Variants in MAP2 observed in about 807,000 individuals in gnomAD.
MAP2 encodes microtubule-associated protein 2.
Under a neutral mutation model 137.6 loss-of-function variants are expected in MAP2, and 14 were observed. That is an observed-to-expected ratio of 0.10 (90% confidence interval 0.07 to 0.16). MAP2 has a LOEUF of 0.16. Among genes scored for constraint, MAP2 ranks in the 10% least tolerant of loss-of-function variants. The pLI is 1.00. For synonymous variants in MAP2, 786 were observed against 782.3 expected (o/e 1.00, Z -0.08); for missense variants, 2,088 against 2,191.5 (o/e 0.95, Z 0.94).
intron 2 of MAP2, among the ~76,000 whole-genome samples, chr2:209,544,481 T>C (rs2067653985): frequency 6.6e-6 from 1 of 152,254 alleles, no homozygotes; most frequent in Admixed American, 6.5e-5. Flanking sequence ...TGTTATTATT[T>C]TATGTATGAT....
rs141994507 is a variant in MAP2 at position 209,527,770 on chromosome 2, A to G, written c.-172+20129A>G. On this transcript the variant is annotated intron_variant, in intron 2 of 15. Coordinates refer to ENST00000682079, the MANE Select transcript of MAP2 (RefSeq NM_001375505.1). ...ACATGGGTACTTGTTAGAAATGTAA[A>G]TCTTTGGGCTCCACCCCAGACCTAG... is the stretch of plus-strand genomic sequence containing the variant. 1.0e-3 allele frequency among the ~76,000 whole-genome samples: 154 copies of G among 152,210 alleles called. 1 individual carries two copies. The highest frequency in any genetic ancestry group is 1.2e-3 in the East Asian group (6 of 5,176).
chr2:209,465,164 A>C (rs1211270895), intron 1 of MAP2, among the ~76,000 whole-genome samples: 1 of 152,120 alleles, frequency 6.6e-6, no homozygotes, highest in Non-Finnish European at 1.5e-5. Context: ...TTTTATAATT[A>C]GATTTTTATG....
chr2:209,721,242 C>G (rs2070746708), intron 13 of MAP2, among the ~76,000 whole-genome samples: 1 of 152,174 alleles, frequency 6.6e-6, no homozygotes, highest in Non-Finnish European at 1.5e-5. Flanking sequence ...CTTCTTTCTA[C>G]CCTACCATTA....
chr2:209,531,110 G>T (rs1348620350), intron 2 of MAP2, among the ~76,000 whole-genome samples: 1 of 152,038 alleles, frequency 6.6e-6, no homozygotes, highest in Non-Finnish European at 1.5e-5. Flanking sequence ...TCTGATTAGT[G>T]GCCAACATTT....
At chr2:209,437,489 A>G (rs1351148225) in intron 1 of MAP2, among the ~76,000 whole-genome samples, 3 of 151,622 alleles carry the variant, frequency 2.0e-5, no homozygotes, top group Admixed American at 1.3e-4. Context: ...CTCATGTGAA[A>G]TTGTACTGTT....
At chr2:209,569,343 T>G (rs1463753372) in intron 2 of MAP2, among the ~76,000 whole-genome samples, 1 of 151,820 alleles carries the variant, frequency 6.6e-6, no homozygotes, top group Non-Finnish European at 1.5e-5. Context: ...CATGCATGAA[T>G]GAATATTTAT....
chr2:209,453,740 A>G (rs916450497), intron 1 of MAP2, among the ~76,000 whole-genome samples: 1 of 151,566 alleles, frequency 6.6e-6, no homozygotes, highest in African/African-American at 2.4e-5. Context: ...CTTTCTTTAC[A>G]TAGATGGGGT....
At chr2:209,469,476 A>T (rs568599434) in intron 1 of MAP2, among the ~76,000 whole-genome samples, 11 of 152,144 alleles carry the variant, frequency 7.2e-5, no homozygotes, top group Admixed American at 6.6e-4. Context: ...TGGGGGGCAT[A>T]CTCAAGTAAG....
intron 12 of MAP2, among the ~76,000 whole-genome samples, chr2:209,708,613 T>C (rs548550065): frequency 3.1e-4 from 47 of 152,294 alleles, no homozygotes; most frequent in Non-Finnish European, 5.9e-4. Flanking sequence ...TTATGATCAA[T>C]TGCATTAGGT....
At position 209,695,809 on chromosome 2, in the gene MAP2, G is replaced by T. The variant is rs760894819; in HGVS notation, c.3639G>T (p.Thr1213=). The T allele has an allele frequency of 4.0e-5, 64 of 1,613,892 alleles. No individual in the cohort carries two copies. The highest frequency in any genetic ancestry group is 1.7e-4 in the Admixed American group (10 of 59,984). Reference sequence around the variant, plus strand: ...AAGAGACCCCAGATATATCCATCACGCCTTCTGATGTTGCAGAGCCATTGC... The same window carrying T: ...AAGAGACCCCAGATATATCCATCACTCCTTCTGATGTTGCAGAGCCATTGC... ...ESKETPDISI[T]PSDVAEPLHE... The change falls in exon 8 of 16, where the codon ACG becomes ACT. Residue 1213 remains threonine, a synonymous_variant. Transcript: ENST00000682079.
At chr2:209,542,860 C>G (rs1401135155) in intron 2 of MAP2, among the ~76,000 whole-genome samples, 1 of 152,196 alleles carries the variant, frequency 6.6e-6, no homozygotes, top group Non-Finnish European at 1.5e-5. Flanking sequence ...TCTATGCAGA[C>G]CACTGAAACT....
At chr2:209,609,850 G>T (rs1266935472) in intron 3 of MAP2, among the ~76,000 whole-genome samples, 2 of 152,076 alleles carry the variant, frequency 1.3e-5, no homozygotes. Context: ...GACTTACATA[G>T]TTATTGTATT....
chr2:209,442,309 T>A (rs1367089670), intron 1 of MAP2, among the ~76,000 whole-genome samples: 1 of 151,510 alleles, frequency 6.6e-6, no homozygotes, highest in Non-Finnish European at 1.5e-5. Context: ...AACCACTAAG[T>A]TGAGGGAGCA....
chr2:209,555,186 T>C (rs1314375071), intron 2 of MAP2, among the ~76,000 whole-genome samples: 1 of 152,004 alleles, frequency 6.6e-6, no homozygotes, highest in Non-Finnish European at 1.5e-5. Flanking sequence ...GATTTTTGGT[T>C]TATTTGTTTG....
chr2:209,477,433 CATG>C (rs1204139976), intron 1 of MAP2, among the ~76,000 whole-genome samples: 1 of 151,972 alleles, frequency 6.6e-6, no homozygotes, highest in Non-Finnish European at 1.5e-5. Flanking sequence ...AAGAATACAT[CATG>C]ATTTTTTTTT....
chr2:209,581,448 ACTT>A (rs1559348719), intron 3 of MAP2, among the ~76,000 whole-genome samples: 2 of 152,152 alleles, frequency 1.3e-5, no homozygotes, highest in African/African-American at 2.4e-5. Flanking sequence ...ATTATATTGC[ACTT>A]CTTCTTCAGA....
chr2:209,729,595 C>T (rs2075337742), intron 14 of MAP2, among the ~76,000 whole-genome samples: 1 of 152,040 alleles, frequency 6.6e-6, no homozygotes, highest in Admixed American at 6.6e-5. Flanking sequence ...TTAGGTTAGA[C>T]ATGGGTAAAG....
chr2:209,519,181 A>G (rs1206784390), intron 2 of MAP2, among the ~76,000 whole-genome samples: 1 of 152,108 alleles, frequency 6.6e-6, no homozygotes, highest in Non-Finnish European at 1.5e-5. Context: ...ATTACAGGCA[A>G]TCCACTAAGA....
At chr2:209,464,209 T>C (rs1000900022) in intron 1 of MAP2, among the ~76,000 whole-genome samples, 2 of 152,142 alleles carry the variant, frequency 1.3e-5, no homozygotes, top group African/African-American at 4.8e-5. Context: ...TATCTCAGTA[T>C]AAAGAAAAAA....
Sources: gnomAD v4.1 joint callset for allele counts (sites outside exome capture counted in the v4.1 genomes callset) on GRCh38, gnomAD v4.1.1 for gene constraint, MANE v1.5 for transcripts, NCBI Gene and HGNC (gene_info 2026-07-23, HGNC 2026-07-21) for gene names.